SUSD5: variants seen among roughly 807,000 people sequenced by gnomAD.
SUSD5 encodes the protein sushi domain containing 5.
A neutral mutation model predicts 29.5 loss-of-function variants in SUSD5; 33 were observed. The ratio of observed to expected loss-of-function variants is 1.12; its 90% CI spans 0.85 to 1.49. The LOEUF is 1.49. Ranked by LOEUF, SUSD5 falls within the 40% of genes most tolerant of loss-of-function variation. The pLI is 0.00. For missense variants in SUSD5, 776 were observed against 800.6 expected (o/e 0.97, Z 0.37); for synonymous variants, 308 against 325.3 (o/e 0.95, Z 0.57).
At chr3:33,160,392 TAA>T (rs71991629) in intron 4 of SUSD5, among the ~76,000 whole-genome samples, 41,823 of 142,240 alleles carry the variant, frequency 0.29, 6,511 homozygotes, top group East Asian at 0.51. Context: ...CTTCATCTCT[TAA>T]AAAAAAAAAA....
At chr3:33,192,576 G>A (rs887453298) in intron 3 of SUSD5, among the ~76,000 whole-genome samples, 3 of 151,722 alleles carry the variant, frequency 2.0e-5, no homozygotes, top group African/African-American at 7.3e-5. Context: ...AGGAGGCCAA[G>A]GCAGGTGGAT....
At chr3:33,160,277 G>A (rs985973728) in intron 4 of SUSD5, among the ~76,000 whole-genome samples, 7 of 151,872 alleles carry the variant, frequency 4.6e-5, no homozygotes, top group South Asian at 2.1e-4. Context: ...GCCCAGTCAC[G>A]CCCAGATATA....
At chr3:33,164,152 C>T (rs990557208) in intron 4 of SUSD5, among the ~76,000 whole-genome samples, 103 of 151,432 alleles carry the variant, frequency 6.8e-4, no homozygotes, top group Admixed American at 1.1e-3. Flanking sequence ...CCAGCCTGGG[C>T]GACAGAGCAA....
chr3:33,209,591 TTCC>T (rs2032284443), intron 2 of SUSD5, among the ~76,000 whole-genome samples: 2 of 151,778 alleles, frequency 1.3e-5, no homozygotes, highest in African/African-American at 4.8e-5. Context: ...CCTTCATTCC[TTCC>T]TTCCTTCCTC....
intron 4 of SUSD5, among the ~76,000 whole-genome samples, chr3:33,162,480 G>T (rs988317258): frequency 6.6e-6 from 1 of 152,084 alleles, no homozygotes; most frequent in Non-Finnish European, 1.5e-5. Flanking sequence ...ACAGAAAATC[G>T]ACATAGTCAA....
chr3:33,179,235 G>A (rs1229199365), intron 3 of SUSD5, among the ~76,000 whole-genome samples: 1 of 152,098 alleles, frequency 6.6e-6, no homozygotes, highest in Non-Finnish European at 1.5e-5. Flanking sequence ...TCCTTTTAAT[G>A]TCCATAGGAT....
At chr3:33,199,024 C>G (rs1299472246) in intron 3 of SUSD5, among the ~76,000 whole-genome samples, 1 of 151,968 alleles carries the variant, frequency 6.6e-6, no homozygotes, top group Non-Finnish European at 1.5e-5. Flanking sequence ...AAAAGATAGG[C>G]TGAGAAAAGA....
chr3:33,196,286 C>A (rs939219039), intron 3 of SUSD5, among the ~76,000 whole-genome samples: 11 of 152,114 alleles, frequency 7.2e-5, no homozygotes, highest in African/African-American at 2.7e-4. Context: ...CTGTATTTGC[C>A]CACTACTGAC....
chr3:33,186,730 T>G (rs2125625047), intron 3 of SUSD5, among the ~76,000 whole-genome samples: 1 of 152,238 alleles, frequency 6.6e-6, no homozygotes, highest in East Asian at 1.9e-4. Context: ...CGGTCAGCAC[T>G]TTCTTAAAGA....
intron 3 of SUSD5, among the ~76,000 whole-genome samples, chr3:33,180,868 G>A (rs1285525434): frequency 5.5e-4 from 80 of 146,608 alleles, no homozygotes; most frequent in African/African-American, 1.9e-3. Flanking sequence ...TTTTTTTGTA[G>A]ACATAGGGTC....
At chr3:33,202,389 CAG>C (rs2032137628) in intron 3 of SUSD5, among the ~76,000 whole-genome samples, 1 of 152,148 alleles carries the variant, frequency 6.6e-6, no homozygotes, top group African/African-American at 2.4e-5. Context: ...CTCACCAAGA[CAG>C]GGGAGCATCC....
chr3:33,173,272 T>C (rs2031473687), intron 4 of SUSD5, among the ~76,000 whole-genome samples: 1 of 152,182 alleles, frequency 6.6e-6, no homozygotes, highest in African/African-American at 2.4e-5. Context: ...ACACAGCTGA[T>C]GGGAGAGCAG....
intron 4 of SUSD5, among the ~76,000 whole-genome samples, chr3:33,161,737 TAAA>T (rs1292912105): frequency 1.3e-5 from 2 of 152,136 alleles, no homozygotes; most frequent in Non-Finnish European, 2.9e-5. Flanking sequence ...TTAGTAGAGA[TAAA>T]GAAGGCTCTT....
chr3:33,155,671 T>C (rs2125613390), intron 4 of SUSD5, among the ~76,000 whole-genome samples: 1 of 152,348 alleles, frequency 6.6e-6, no homozygotes, highest in South Asian at 2.1e-4. Context: ...ACATCAGTTA[T>C]GGTATACTCA....
intron 4 of SUSD5, among the ~76,000 whole-genome samples, chr3:33,158,641 A>G (rs866742333): frequency 5.3e-5 from 8 of 152,244 alleles, no homozygotes; most frequent in Admixed American, 2.0e-4. Context: ...AGAAAAGAAC[A>G]TATTCTGCGG....
intron 3 of SUSD5, 99 bp downstream of exon 3, chr3:33,207,709 A>G (rs1575545110): frequency 1.4e-6 from 1 of 703,302 alleles, no homozygotes; most frequent in East Asian, 2.9e-5. Context: ...CATGTCTAGT[A>G]AATCCTCACT....
chr3:33,153,949 C>T lies in SUSD5; in HGVS notation c.683G>A (p.Arg228Gln), dbSNP rs1434989007. Reference sequence around the variant, plus strand: ...ACCCCTGTCCTCATCTGCCTCTGTCCGGGAATCCTCCATGAGCTCTCTGAA... The same window carrying T: ...ACCCCTGTCCTCATCTGCCTCTGTCTGGGAATCCTCCATGAGCTCTCTGAA... Reference protein sequence around the residue: ...VSFRELMEDSRTEADEDRGQG... With the variant: ...VSFRELMEDSQTEADEDRGQG... The change falls in exon 5 of 5, where the codon CGG becomes CAG. Residue 228 changes from arginine (R) to glutamine (Q), a missense_variant. Transcript: ENST00000309558. 1.1e-5 allele frequency: 17 copies of T among 1,613,830 alleles called. No homozygotes were observed. The highest frequency in any genetic ancestry group is 2.2e-5 in the East Asian group (1 of 44,880).
Position 33,164,577 on chromosome 3 carries a change from A to G in SUSD5, c.598+10309T>C, listed in dbSNP as rs562992387. The stretch of plus-strand genomic sequence containing the variant: ...TCTATTTATGAAGGATACTATGAAG[A>G]ACATGAAAAGGCAACTTACCTAACA... On this transcript the variant is annotated intron_variant, in intron 4 of 4. Transcript: ENST00000309558. Among the ~76,000 whole-genome samples the G allele has an allele frequency of 2.2e-4, 34 of 152,318 alleles. No individual in the cohort carries two copies. The South Asian group carries it at 7.0e-3, about 32-fold the overall frequency.
chr3:33,210,152 T>C (rs370450704), intron 2 of SUSD5, among the ~76,000 whole-genome samples: 1 of 152,358 alleles, frequency 6.6e-6, no homozygotes, highest in African/African-American at 2.4e-5. Flanking sequence ...TCTAGGATAC[T>C]ATCTTCCTCA....
Sources: allele counts gnomAD v4.1 joint callset (sites outside exome capture counted in the v4.1 genomes callset), GRCh38; gene constraint gnomAD v4.1.1; transcripts MANE v1.5; gene names NCBI Gene and HGNC (gene_info 2026-07-23, HGNC 2026-07-21).